The following FGGY variants were observed in gnomAD, a reference collection of about 807,000 sequenced individuals.
FGGY encodes the protein FGGY carbohydrate kinase domain-containing protein.
A neutral mutation model predicts 71.3 loss-of-function variants in FGGY; 72 were observed. The observed-to-expected ratio is 1.01, with a 90% CI of 0.84 to 1.23. The LOEUF (loss-of-function observed/expected upper bound fraction) is 1.23. Among genes scored for constraint, FGGY ranks in the 50% most tolerant of loss-of-function variants. FGGY has a pLI of 0.00. For synonymous variants in FGGY, 251 were observed against 250.3 expected (o/e 1.00, Z -0.02); for missense variants, 668 against 682.3 (o/e 0.98, Z 0.23).
At chr1:59,438,939 G>A (rs983259419) in intron 5 of FGGY, among the ~76,000 whole-genome samples, 4 of 151,946 alleles carry the variant, frequency 2.6e-5, no homozygotes, top group Non-Finnish European at 5.9e-5. Flanking sequence ...AAATATACAC[G>A]GTTCTGCATC....
rs535635014 is a variant in FGGY at position 59,328,914 on chromosome 1, T to A, written c.201+7164T>A. The stretch of plus-strand genomic sequence containing the variant: ...GCCCGTCTTATATGGGTGCAGTTTG[T>A]GGTGCCCCAAAACAAATGCAATAGT... On this transcript the variant is annotated intron_variant, in intron 2 of 15. Coordinates refer to ENST00000303721, the MANE Select transcript of FGGY (RefSeq NM_018291.5). 2.6e-5 allele frequency among the ~76,000 whole-genome samples: 4 copies of A among 152,260 alleles called. No individual in the cohort carries two copies. The East Asian group carries it at 7.7e-4, about 29-fold the overall frequency.
chr1:59,298,732 C>A (rs1396018185), intron 1 of FGGY, among the ~76,000 whole-genome samples: 2 of 152,190 alleles, frequency 1.3e-5, no homozygotes, highest in Non-Finnish European at 2.9e-5. Flanking sequence ...AGTGGAACCC[C>A]CTACCTCCAC....
intron 5 of FGGY, among the ~76,000 whole-genome samples, chr1:59,432,944 C>T (rs751033984): frequency 6.6e-6 from 1 of 152,188 alleles, no homozygotes; most frequent in Non-Finnish European, 1.5e-5. Context: ...GGGTAGTTTT[C>T]AATCCAGTCA....
At chr1:59,332,084 A>G (rs960108153) in intron 2 of FGGY, 10 of 152,202 alleles carry the variant, frequency 6.6e-5, no homozygotes, top group African/African-American at 2.2e-4. Context: ...AAGAAACACC[A>G]TCTCCCCACC....
In FGGY at chr1:59,492,211, T is replaced by G. The variant is rs72915652; in HGVS notation, c.671-20100T>G. ...CTCTCTCAGTAGTCTGTTTCCTTCATTTCCTCCAAATTTCCATTAACTTTT... is the reference window on the plus strand; with the variant it reads ...CTCTCTCAGTAGTCTGTTTCCTTCAGTTCCTCCAAATTTCCATTAACTTTT... On this transcript the variant is annotated intron_variant, in intron 6 of 15. Transcript: ENST00000303721. 7.5e-3 allele frequency among the ~76,000 whole-genome samples: 1,137 copies of G among 152,298 alleles called. 11 individuals are homozygous for G. Among genetic ancestry groups the G allele is most frequent in the African/African-American group, 0.026 (1,065 of 41,576 alleles).
intron 11 of FGGY, among the ~76,000 whole-genome samples, chr1:59,649,396 TC>T (rs1180868855): frequency 4.8e-5 from 4 of 83,462 alleles, no homozygotes; most frequent in African/African-American, 2.0e-4. Context: ...GAAATGTTCT[TC>T]CATTTGTTTG....
chr1:59,610,219 G>T (rs2096661404), intron 9 of FGGY, among the ~76,000 whole-genome samples: 1 of 152,102 alleles, frequency 6.6e-6, no homozygotes, highest in Admixed American at 6.6e-5. Context: ...GTGTCCTAAT[G>T]CTCTCCCTCC....
chr1:59,606,152 T>A (rs1442135961), intron 8 of FGGY, among the ~76,000 whole-genome samples: 2 of 151,952 alleles, frequency 1.3e-5, no homozygotes, highest in African/African-American at 2.4e-5. Context: ...ATAATAATAA[T>A]AAAATAAAAA....
chr1:59,685,750 A>G (rs12063831), intron 14 of FGGY, among the ~76,000 whole-genome samples: 4,289 of 152,232 alleles, frequency 0.028, 205 homozygotes, highest in African/African-American at 0.098. Context: ...GATCTGGACT[A>G]GGCAGTTATT....
At chr1:59,689,919 C>T (rs753175421) in intron 14 of FGGY, among the ~76,000 whole-genome samples, 9 of 152,150 alleles carry the variant, frequency 5.9e-5, no homozygotes, top group Admixed American at 3.9e-4. Flanking sequence ...CCTAGAGGAG[C>T]CTGTGTGTTG....
intron 8 of FGGY, among the ~76,000 whole-genome samples, chr1:59,602,382 G>A (rs2096586617): frequency 6.6e-6 from 1 of 152,112 alleles, no homozygotes; most frequent in South Asian, 2.1e-4. Flanking sequence ...TATGATAAAT[G>A]CAAATAACTC....
At chr1:59,382,003 C>G (rs1450812149) in intron 5 of FGGY, among the ~76,000 whole-genome samples, 1 of 152,028 alleles carries the variant, frequency 6.6e-6, no homozygotes, top group Non-Finnish European at 1.5e-5. Context: ...TCATGATGAC[C>G]TCAGATTTAA....
chr1:59,298,504 A>G (rs1233029018), intron 1 of FGGY, among the ~76,000 whole-genome samples: 1 of 152,228 alleles, frequency 6.6e-6, no homozygotes, highest in Non-Finnish European at 1.5e-5. Context: ...GTTTACTGGG[A>G]GGAGGCTGGG....
intron 6 of FGGY, among the ~76,000 whole-genome samples, chr1:59,473,506 A>G (rs2093095572): frequency 6.6e-6 from 1 of 152,190 alleles, no homozygotes; most frequent in South Asian, 2.1e-4. Context: ...GTTTACCAGA[A>G]AAGAGGGGAA....
intron 14 of FGGY, chr1:59,698,881 C>T (rs2097686826): frequency 1.0e-6 from 1 of 985,310 alleles, no homozygotes; most frequent in Non-Finnish European, 1.2e-6. Flanking sequence ...CTGAATTGTA[C>T]ATGTCGTATG....
chr1:59,309,393 C>G (rs1331964238), intron 1 of FGGY, among the ~76,000 whole-genome samples: 1 of 152,116 alleles, frequency 6.6e-6, no homozygotes, highest in East Asian at 1.9e-4. Flanking sequence ...ACCAAGCCTT[C>G]CTTTGAATAG....
intron 2 of FGGY, among the ~76,000 whole-genome samples, chr1:59,325,263 A>G (rs6657008): frequency 0.19 from 28,578 of 152,088 alleles, 3,241 homozygotes; most frequent in East Asian, 0.35. Context: ...AGGCTGAGGC[A>G]GGAGAATGGC....
intron 14 of FGGY, among the ~76,000 whole-genome samples, chr1:59,702,168 C>T (rs139645501): frequency 6.8e-4 from 103 of 152,204 alleles, no homozygotes; most frequent in Non-Finnish European, 1.2e-3. Flanking sequence ...TGGAAACAGC[C>T]CCCATGATCC....
At chr1:59,671,956 T>G in intron 13 of FGGY, among the ~76,000 whole-genome samples, 1 of 152,214 alleles carries the variant, frequency 6.6e-6, no homozygotes, top group South Asian at 2.1e-4. Context: ...GGGAGGGGCC[T>G]GTGAGTAGTT....
Sources: allele counts gnomAD v4.1 joint callset (sites outside exome capture counted in the v4.1 genomes callset), GRCh38; gene constraint gnomAD v4.1.1; transcripts MANE v1.5; gene names NCBI Gene and HGNC (gene_info 2026-07-23, HGNC 2026-07-21).